SLC9A2: variants seen among roughly 807,000 people sequenced by gnomAD.
The protein encoded by SLC9A2 is sodium/hydrogen exchanger 2.
A neutral mutation model predicts 71.7 loss-of-function variants in SLC9A2; 42 were observed. The ratio of observed to expected loss-of-function variants is 0.59; its 90% CI spans 0.46 to 0.76. The LOEUF is 0.76. Among genes scored for constraint, SLC9A2 ranks in the 30% least tolerant of loss-of-function variants. The pLI is 0.00. For synonymous variants in SLC9A2, 396 were observed against 392.5 expected, an observed-to-expected ratio of 1.01 and a Z score of -0.10; for missense variants, 829 against 1,017.4, an observed-to-expected ratio of 0.81 and a Z score of 2.52.
chr2:102,672,351 A>G (rs879715619), intron 3 of SLC9A2, among the ~76,000 whole-genome samples: 1 of 143,438 alleles, frequency 7.0e-6, no homozygotes, highest in African/African-American at 2.5e-5. Flanking sequence ...GATGATTCCT[A>G]TTAGACACTG....
intron 11 of SLC9A2, 34 bp from the exon 12 acceptor site, chr2:102,708,085 A>G: frequency 6.3e-7 from 1 of 1,584,966 alleles, no homozygotes; most frequent in Non-Finnish European, 8.6e-7. Context: ...TCTCTCTAAA[A>G]TGCTTGCCCA....
intron 1 of SLC9A2, among the ~76,000 whole-genome samples, chr2:102,640,963 T>C (rs1284603710): frequency 6.6e-6 from 1 of 152,236 alleles, no homozygotes; most frequent in Non-Finnish European, 1.5e-5. Flanking sequence ...CTGAATATTA[T>C]AACAGATGCT....
chr2:102,620,834 T>C (rs578113959), intron 1 of SLC9A2, among the ~76,000 whole-genome samples: 2 of 150,154 alleles, frequency 1.3e-5, no homozygotes, highest in South Asian at 4.3e-4. Context: ...AGGCCAGGAG[T>C]TCAAGATCAT....
chr2:102,641,527 G>C (rs28696001), intron 1 of SLC9A2, among the ~76,000 whole-genome samples: 7,730 of 151,396 alleles, frequency 0.051, 601 homozygotes, highest in African/African-American at 0.17. Context: ...TCCAACTCCT[G>C]TTCACTTCTC....
intron 6 of SLC9A2, 76 bp downstream of exon 6, chr2:102,694,579 G>GCTGT: frequency 1.5e-6 from 1 of 649,762 alleles, no homozygotes; most frequent in Non-Finnish European, 2.5e-6. Context: ...TTGGTACCAC[G>GCTGT]TTGTCCATTT....
chr2:102,668,173 C>T (rs916612955), intron 3 of SLC9A2, among the ~76,000 whole-genome samples: 15 of 152,060 alleles, frequency 9.9e-5, no homozygotes, highest in African/African-American at 3.4e-4. Context: ...GTGATGTAAA[C>T]ATTTTTGCCC....
At chr2:102,670,444 G>A (rs950456452) in intron 3 of SLC9A2, among the ~76,000 whole-genome samples, 12 of 152,032 alleles carry the variant, frequency 7.9e-5, no homozygotes, top group Admixed American at 4.6e-4. Context: ...AAAGAAAGTA[G>A]AAAATGGTGA....
At chr2:102,699,588 A>G (rs1289643190) in intron 7 of SLC9A2, among the ~76,000 whole-genome samples, 1 of 152,142 alleles carries the variant, frequency 6.6e-6, no homozygotes, top group Non-Finnish European at 1.5e-5. Flanking sequence ...GAGGTGGGAG[A>G]TGGCTGGATT....
intron 9 of SLC9A2, 133 bp from the exon 10 acceptor site, chr2:102,704,411 C>G (rs1677932703): frequency 1.6e-6 from 1 of 618,194 alleles, no homozygotes; most frequent in Non-Finnish European, 2.7e-6. Flanking sequence ...TAATTTTTTG[C>G]TCTGCACAGA....
intron 1 of SLC9A2, among the ~76,000 whole-genome samples, chr2:102,638,510 T>A (rs531589750): frequency 6.6e-6 from 1 of 152,348 alleles, no homozygotes; most frequent in East Asian, 1.9e-4. Flanking sequence ...GGGATTGCAC[T>A]CAGGAGGCAC....
chr2:102,684,856 A>G (rs929230378), intron 5 of SLC9A2, among the ~76,000 whole-genome samples: 17 of 152,174 alleles, frequency 1.1e-4, no homozygotes, highest in African/African-American at 3.6e-4. Flanking sequence ...TATTTTGCAG[A>G]TATTCATTTA....
At position 102,695,157 on chromosome 2, in the gene SLC9A2, C is replaced by A; in HGVS notation, c.1586+44C>A. 6 of 1,357,486 alleles carry A rather than the reference C, an allele frequency of 4.4e-6. No homozygotes were observed. In the South Asian group the frequency reaches 4.8e-5, roughly 11 times the overall value. 84.1% of individuals were successfully genotyped at this position (1,357,486 alleles called of 1,614,324 possible). A position where few individuals can be genotyped will look rare whatever the true frequency, so the allele number is the denominator to read the frequency against. ...ATTGGGTTATGAAGTGGCCCAGGGT[C>A]ATTCTGAAAGCAGGACTTACTGATT... On this transcript the variant is annotated intron_variant, in intron 7 of 11. Coordinates refer to ENST00000233969, the MANE Select transcript of SLC9A2 (RefSeq NM_003048.6).
chr2:102,701,334 C>A lies in SLC9A2; in HGVS notation c.1748+103C>A, dbSNP rs148445513. 2.2e-3 allele frequency: 2,021 copies of A among 901,312 alleles called. 30 individuals are homozygous for A. In the African/African-American group the frequency reaches 0.025, roughly 11 times the overall value. 55.8% of individuals were successfully genotyped at this position (901,312 alleles called of 1,614,324 possible). On this transcript the variant is annotated intron_variant, in intron 8 of 11. Transcript: ENST00000233969. ...TTAAAAAAATTATTATTAATTGATC[C>A]GCCCCCCTCGGCCTCCCAGAGTGCT...
intron 1 of SLC9A2, among the ~76,000 whole-genome samples, chr2:102,639,818 T>A (rs1676539173): frequency 6.6e-6 from 1 of 152,192 alleles, no homozygotes; most frequent in African/African-American, 2.4e-5. Context: ...TTCTTCTATG[T>A]CTGGCAAAAG....
In SLC9A2 at chr2:102,641,903, TG is replaced by T. The variant is rs570321660; in HGVS notation, c.290-15655del. 2.3e-3 allele frequency among the ~76,000 whole-genome samples: 13 copies of T among 5,606 alleles called. No individual in the cohort carries two copies. In the East Asian group the frequency reaches 0.057, roughly 24 times the overall value. The allele number at this position is 5,606 out of a possible 152,430, so 3.7% of individuals were successfully genotyped here. A position where few individuals can be genotyped will look rare whatever the true frequency, so the allele number is the denominator to read the frequency against. ...TCACACACCAGGGCCTGTCGGGGGG[TG>T]GGGGGCTGGGGGAGGGATAGCATTA... On this transcript the variant is annotated intron_variant, in intron 1 of 11. Coordinates refer to ENST00000233969, the MANE Select transcript of SLC9A2 (RefSeq NM_003048.6).
At chr2:102,681,619 T>G (rs1677454307) in intron 3 of SLC9A2, among the ~76,000 whole-genome samples, 1 of 152,230 alleles carries the variant, frequency 6.6e-6, no homozygotes, top group Non-Finnish European at 1.5e-5. Flanking sequence ...ATTCAAAGGC[T>G]TTGCCATGTG....
chr2:102,685,657 G>C lies in SLC9A2; in HGVS notation c.1425+1321G>C, dbSNP rs536495493. ...GAAAGAGGCATCACTCATGACTCCA[G>C]GGGTTTTGGCCTGAGCAGCTAGAAG... On this transcript the variant is annotated intron_variant, in intron 5 of 11. Transcript: ENST00000233969. Among the ~76,000 whole-genome samples the C allele has an allele frequency of 2.6e-5, 4 of 151,292 alleles. No individual in the cohort carries two copies. In the South Asian group the frequency reaches 8.4e-4, roughly 32 times the overall value.
At chr2:102,700,813 A>G (rs62152135) in intron 7 of SLC9A2, among the ~76,000 whole-genome samples, 12,114 of 152,238 alleles carry the variant, frequency 0.08, 582 homozygotes, top group Middle Eastern at 0.12. Flanking sequence ...ATATACATAT[A>G]TGTGTATGTG....
At chr2:102,627,479 A>G (rs1016815371) in intron 1 of SLC9A2, among the ~76,000 whole-genome samples, 8 of 152,128 alleles carry the variant, frequency 5.3e-5, no homozygotes, top group Non-Finnish European at 1.2e-4. Flanking sequence ...TCTGGGGTCA[A>G]TTTTGGTAAT....
Sources: gnomAD v4.1 joint callset for allele counts (sites outside exome capture counted in the v4.1 genomes callset) on GRCh38, gnomAD v4.1.1 for gene constraint, MANE v1.5 for transcripts, NCBI Gene and HGNC (gene_info 2026-07-23, HGNC 2026-07-21) for gene names.